Variants in SVOP observed in about 807,000 individuals in gnomAD.
SVOP encodes the protein SV2 related protein.
In SVOP, 17 loss-of-function variants were observed where a neutral mutation model predicts 69.1. The ratio of observed to expected loss-of-function variants is 0.25; its 90% confidence interval spans 0.17 to 0.37. The LOEUF is 0.37. Ranked by LOEUF, SVOP falls within the 10% of genes least tolerant of loss-of-function variation. SVOP has a pLI of 1.00. For missense variants in SVOP, 435 were observed against 597.5 expected, an observed-to-expected ratio of 0.73 and a Z score of 2.84; for synonymous variants, 238 against 238.6, an observed-to-expected ratio of 1.00 and a Z score of 0.02.
intron 15 of SVOP, among the ~76,000 whole-genome samples, chr12:108,913,879 G>C (rs1201689768): frequency 6.6e-6 from 1 of 152,168 alleles, no homozygotes; most frequent in South Asian, 2.1e-4. Context: ...TTGAACACCT[G>C]ACCTCAAGTA....
chr12:108,908,756 T>C lies in SVOP; in HGVS notation c.*3779A>G, dbSNP rs1236661385. 2 of 152,262 alleles carry C rather than the reference T, an allele frequency of 1.3e-5. No homozygotes were observed. The highest frequency in any genetic ancestry group is 2.9e-5 in the Non-Finnish European group (2 of 68,060). The allele number at this position is 152,262 out of a possible 1,614,324, so 9.4% of individuals were successfully genotyped here. ...GGCCTACACATCCACGGCAGGCTCC[T>C]TGCAACCATCGCCCATCCAACAGCC... is the stretch of plus-strand genomic sequence containing the variant. On this transcript the variant is annotated 3_prime_UTR_variant, in exon 16 of 16. Coordinates refer to ENST00000610966, the MANE Select transcript of SVOP (RefSeq NM_018711.5).
intron 13 of SVOP, among the ~76,000 whole-genome samples, chr12:108,918,439 G>A (rs1230721571): frequency 6.6e-6 from 1 of 152,222 alleles, no homozygotes; most frequent in African/African-American, 2.4e-5. Flanking sequence ...GGTGGAGCAG[G>A]AATTGAGCCA....
chr12:108,957,643 C>T (rs1412197961), intron 6 of SVOP, among the ~76,000 whole-genome samples: 2 of 152,196 alleles, frequency 1.3e-5, no homozygotes, highest in Non-Finnish European at 2.9e-5. Context: ...AGGTGATATA[C>T]CAGACATCTC....
intron 6 of SVOP, among the ~76,000 whole-genome samples, chr12:108,953,919 C>A (rs1230650745): frequency 1.3e-5 from 2 of 152,038 alleles, no homozygotes; most frequent in East Asian, 1.9e-4. Context: ...CGAGACCAGC[C>A]TGGTCAACAT....
intron 1 of SVOP, 152 bp downstream of exon 1, chr12:109,020,682 T>G: frequency 1.8e-6 from 1 of 570,352 alleles, no homozygotes; most frequent in East Asian, 3.1e-5. Flanking sequence ...AGAAAATGGC[T>G]TGTCTCCTCC....
intron 5 of SVOP, among the ~76,000 whole-genome samples, chr12:108,965,911 C>G (rs1377366733): frequency 2.0e-5 from 3 of 151,962 alleles, no homozygotes; most frequent in Non-Finnish European, 4.4e-5. Context: ...GTATTATACA[C>G]TTTTTCCCTC....
intron 1 of SVOP, among the ~76,000 whole-genome samples, chr12:108,986,911 A>T (rs983518540): frequency 3.9e-5 from 6 of 152,182 alleles, no homozygotes; most frequent in Non-Finnish European, 7.3e-5. Flanking sequence ...TCTTCTATAC[A>T]TTGGTGTGAT....
At chr12:108,995,901 C>CA (rs199645152) in intron 1 of SVOP, among the ~76,000 whole-genome samples, 11,521 of 136,866 alleles carry the variant, frequency 0.084, 1,102 homozygotes, top group Admixed American at 0.25. Flanking sequence ...GACTCTGTCT[C>CA]AAAAAAAAAA....
At position 108,978,740 on chromosome 12, in the gene SVOP, G is replaced by A. The variant is rs1013765559; in HGVS notation, c.197-77C>T. ...GTCCTAGTGTGGGGTTTTCTGGGGT[G>A]GTCCCCAGCCAAGCTAATTAAACAC... On this transcript the variant is annotated intron_variant, in intron 2 of 15. Coordinates refer to ENST00000610966, the MANE Select transcript of SVOP (RefSeq NM_018711.5). 4 of 672,128 alleles carry A rather than the reference G, an allele frequency of 6.0e-6. No homozygotes were observed. In the African/African-American group the frequency reaches 7.2e-5, roughly 12 times the overall value. 41.6% of individuals were successfully genotyped at this position (672,128 alleles called of 1,614,324 possible). A position where few individuals can be genotyped will look rare whatever the true frequency, so the allele number is the denominator to read the frequency against.
At chr12:108,980,149 G>A (rs1217943822) in intron 2 of SVOP, among the ~76,000 whole-genome samples, 1 of 152,128 alleles carries the variant, frequency 6.6e-6, no homozygotes, top group Non-Finnish European at 1.5e-5. Context: ...CTGCACTCCA[G>A]CCTGGGTGAC....
intron 2 of SVOP, among the ~76,000 whole-genome samples, chr12:108,982,956 AC>A (rs1337681164): frequency 6.6e-6 from 1 of 150,992 alleles, no homozygotes; most frequent in African/African-American, 2.4e-5. Context: ...CATCATGATC[AC>A]CATCATCATC....
chr12:108,979,083 G>C (rs1380148592), intron 2 of SVOP, among the ~76,000 whole-genome samples: 3 of 70,436 alleles, frequency 4.3e-5, no homozygotes, highest in Non-Finnish European at 6.5e-5. Flanking sequence ...ATGTACGCAT[G>C]TGGGTGTACA....
chr12:108,996,274 C>T (rs2040231648), intron 1 of SVOP, among the ~76,000 whole-genome samples: 1 of 152,112 alleles, frequency 6.6e-6, no homozygotes, highest in Non-Finnish European at 1.5e-5. Context: ...ACGTGTGGTC[C>T]TGGCCAGATG....
chr12:108,956,274 C>G (rs992001179), intron 6 of SVOP, among the ~76,000 whole-genome samples: 5 of 150,500 alleles, frequency 3.3e-5, no homozygotes, highest in Non-Finnish European at 7.4e-5. Context: ...TGCACTCCAG[C>G]CTGGGCGACA....
At chr12:108,917,892 T>C in intron 14 of SVOP, 151 bp downstream of exon 14, 1 of 533,236 alleles carries the variant, frequency 1.9e-6, no homozygotes, top group South Asian at 2.8e-5. Context: ...GTGATCCTCC[T>C]GCCTCGGCCT....
intron 1 of SVOP, among the ~76,000 whole-genome samples, chr12:109,007,337 ACCTGGGGCACTC>A (rs1258602468): frequency 1.3e-5 from 2 of 152,182 alleles, no homozygotes; most frequent in African/African-American, 4.8e-5. Flanking sequence ...TCAAGACAAG[ACCTGGGGCACTC>A]CCTGAGCTGT....
At chr12:108,971,852 G>C (rs928104557) in intron 5 of SVOP, among the ~76,000 whole-genome samples, 2 of 151,814 alleles carry the variant, frequency 1.3e-5, no homozygotes, top group African/African-American at 2.4e-5. Flanking sequence ...CCAGGAATTT[G>C]AGACCAGCCT....
intron 5 of SVOP, among the ~76,000 whole-genome samples, chr12:108,968,862 C>T (rs1460977156): frequency 1.3e-5 from 2 of 152,014 alleles, no homozygotes; most frequent in Non-Finnish European, 2.9e-5. Flanking sequence ...GGCATGATCT[C>T]GGCTCACTGC....
At chr12:108,943,821 G>GCTC (rs367781130) in intron 7 of SVOP, among the ~76,000 whole-genome samples, 15 of 147,070 alleles carry the variant, frequency 1.0e-4, no homozygotes, top group South Asian at 6.3e-4. Context: ...TCCTCCTCCT[G>GCTC]CTCCTCCTCC....
Sources: allele counts gnomAD v4.1 joint callset (sites outside exome capture counted in the v4.1 genomes callset), GRCh38; gene constraint gnomAD v4.1.1; transcripts MANE v1.5; gene names NCBI Gene and HGNC (gene_info 2026-07-23, HGNC 2026-07-21).